FHIT: variants seen among roughly 807,000 people sequenced by gnomAD.
The protein encoded by FHIT is bis(5'-adenosyl)-triphosphatase.
FHIT carries 19 observed loss-of-function variants against 17.9 expected under a neutral mutation model. The observed-to-expected ratio is 1.06, with a 90% CI of 0.74 to 1.56. The LOEUF (loss-of-function observed/expected upper bound fraction) is 1.56. Among genes scored for constraint, FHIT ranks in the 40% most tolerant of loss-of-function variants. The probability of loss-of-function intolerance (pLI) is 0.00; values close to 1 mark genes in which losing one functional copy is unlikely to be tolerated. For synonymous variants in FHIT, 81 were observed against 69.7 expected (o/e 1.16, Z -0.81); for missense variants, 248 against 189.2 (o/e 1.31, Z -1.82).
chr3:60,103,296 G>A lies in FHIT; in HGVS notation c.104-89144C>T, dbSNP rs140475339. Among the ~76,000 whole-genome samples, 26 of 152,220 alleles carry A rather than the reference G, an allele frequency of 1.7e-4. 1 individual carries two copies. The highest frequency in any genetic ancestry group is 1.5e-3 in the East Asian group (8 of 5,170). ...AGTTCTTATGTGGGCTCTTTGGCCCGATCTAGGAACCAAATTGACACAACA... is the reference window on the plus strand; with the variant it reads ...AGTTCTTATGTGGGCTCTTTGGCCCAATCTAGGAACCAAATTGACACAACA... On this transcript the variant is annotated intron_variant, in intron 5 of 9. Coordinates refer to ENST00000492590, the MANE Select transcript of FHIT (RefSeq NM_002012.4).
intron 5 of FHIT, among the ~76,000 whole-genome samples, chr3:60,107,707 C>G (rs76700627): frequency 0.016 from 2,420 of 152,268 alleles, 77 homozygotes; most frequent in African/African-American, 0.055. Context: ...TTAAGTTTCA[C>G]TTAAGCTTTG....
chr3:60,187,700 TCA>T (rs1702216493), intron 5 of FHIT, among the ~76,000 whole-genome samples: 1 of 152,158 alleles, frequency 6.6e-6, no homozygotes, highest in Non-Finnish European at 1.5e-5. Context: ...TCAATACAAA[TCA>T]CAGTCTATTA....
intron 4 of FHIT, among the ~76,000 whole-genome samples, chr3:60,649,855 G>T (rs1229869685): frequency 6.6e-6 from 1 of 152,160 alleles, no homozygotes; most frequent in Non-Finnish European, 1.5e-5. Context: ...AAGGATAGCA[G>T]GGTAGCAGCA....
chr3:60,981,291 C>T (rs1196206425), intron 3 of FHIT, among the ~76,000 whole-genome samples: 2 of 140,790 alleles, frequency 1.4e-5, no homozygotes, highest in Non-Finnish European at 3.0e-5. Context: ...CCCTTTCTTC[C>T]TTCCTTTTTT....
At chr3:60,831,262 G>A (rs1702316787) in intron 3 of FHIT, among the ~76,000 whole-genome samples, 1 of 152,134 alleles carries the variant, frequency 6.6e-6, no homozygotes, top group Admixed American at 6.5e-5. Context: ...TTTTTAGGAG[G>A]TAAGTTATTC....
intron 3 of FHIT, among the ~76,000 whole-genome samples, chr3:60,847,899 T>G (rs1702989156): frequency 6.6e-6 from 1 of 152,158 alleles, no homozygotes; most frequent in Admixed American, 6.5e-5. Flanking sequence ...AATAAAGAAC[T>G]TGAAGCACAA....
At chr3:61,062,382 A>G (rs997836872) in intron 2 of FHIT, among the ~76,000 whole-genome samples, 1 of 152,122 alleles carries the variant, frequency 6.6e-6, no homozygotes, top group Non-Finnish European at 1.5e-5. Flanking sequence ...CAACTACCCA[A>G]TCTCAAAATA....
intron 5 of FHIT, among the ~76,000 whole-genome samples, chr3:60,172,779 G>A (rs1406108642): frequency 6.6e-6 from 1 of 152,128 alleles, no homozygotes; most frequent in African/African-American, 2.4e-5. Context: ...AAGCAGGACT[G>A]TCCAGGCTGT....
At chr3:60,703,140 A>G (rs2041287916) in intron 4 of FHIT, among the ~76,000 whole-genome samples, 1 of 152,202 alleles carries the variant, frequency 6.6e-6, no homozygotes, top group South Asian at 2.1e-4. Context: ...ATATAGTCAG[A>G]CACGCAGAGA....
At chr3:61,155,608 T>G (rs1268329428) in intron 2 of FHIT, among the ~76,000 whole-genome samples, 1 of 152,156 alleles carries the variant, frequency 6.6e-6, no homozygotes, top group Non-Finnish European at 1.5e-5. Context: ...TTCTTCTTCG[T>G]TGAAATATTT....
Position 60,383,767 on chromosome 3 carries a change from G to T in FHIT, c.103+153093C>A, listed in dbSNP as rs143008356. 8.8e-3 allele frequency among the ~76,000 whole-genome samples: 1,342 copies of T among 152,232 alleles called. 25 individuals are homozygous for T. The highest frequency in any genetic ancestry group is 0.031 in the African/African-American group (1,298 of 41,524). On this transcript the variant is annotated intron_variant, in intron 5 of 9. Coordinates refer to ENST00000492590, the MANE Select transcript of FHIT (RefSeq NM_002012.4). ...ACTATAAAAATAGCATTTTTCAACA[G>T]AGGCTATTTTGTTATTTGTTTCATC...
chr3:60,441,476 A>T (rs2030795459), intron 5 of FHIT, among the ~76,000 whole-genome samples: 1 of 151,754 alleles, frequency 6.6e-6, no homozygotes, highest in Admixed American at 6.6e-5. Flanking sequence ...ACAATTTATC[A>T]TCTCAAACTT....
At chr3:60,759,862 G>A (rs1553719245) in intron 4 of FHIT, among the ~76,000 whole-genome samples, 1 of 152,154 alleles carries the variant, frequency 6.6e-6, no homozygotes, top group East Asian at 1.9e-4. Flanking sequence ...CTGTAAATGG[G>A]AAGCAGAGAA....
At chr3:60,764,374 C>G (rs1451885813) in intron 4 of FHIT, among the ~76,000 whole-genome samples, 1 of 152,112 alleles carries the variant, frequency 6.6e-6, no homozygotes, top group East Asian at 1.9e-4. Context: ...CCCAAAGGAT[C>G]AATTTCATCA....
chr3:60,423,148 G>T (rs1188228673), intron 5 of FHIT, among the ~76,000 whole-genome samples: 1 of 152,108 alleles, frequency 6.6e-6, no homozygotes, highest in Non-Finnish European at 1.5e-5. Context: ...AGCCTCAAGT[G>T]AATTAAGCAC....
chr3:60,269,880 T>C (rs759292376), intron 5 of FHIT, among the ~76,000 whole-genome samples: 1 of 152,076 alleles, frequency 6.6e-6, no homozygotes, highest in African/African-American at 2.4e-5. Flanking sequence ...AAATGGGGAG[T>C]TACACCCCTA....
At chr3:59,774,261 T>C (rs1247426458) in intron 8 of FHIT, among the ~76,000 whole-genome samples, 2 of 152,224 alleles carry the variant, frequency 1.3e-5, no homozygotes, top group Admixed American at 1.3e-4. Flanking sequence ...GCTTTTGGGC[T>C]ACAGCAGCAG....
At chr3:60,297,873 C>A (rs919658835) in intron 5 of FHIT, among the ~76,000 whole-genome samples, 2 of 152,036 alleles carry the variant, frequency 1.3e-5, no homozygotes, top group African/African-American at 4.8e-5. Flanking sequence ...AAGACAGCTC[C>A]CACTTTGGAT....
At chr3:59,899,558 G>A (rs1212834005) in intron 8 of FHIT, among the ~76,000 whole-genome samples, 1 of 152,170 alleles carries the variant, frequency 6.6e-6, no homozygotes, top group Non-Finnish European at 1.5e-5. Flanking sequence ...TGTAGGCCAG[G>A]CGCAGTGGCT....
Sources: allele counts gnomAD v4.1 joint callset (sites outside exome capture counted in the v4.1 genomes callset), GRCh38; gene constraint gnomAD v4.1.1; transcripts MANE v1.5; gene names NCBI Gene and HGNC (gene_info 2026-07-23, HGNC 2026-07-21).